CDH13: variants seen among roughly 807,000 people sequenced by gnomAD.
The protein encoded by CDH13 is cadherin 13.
CDH13 carries 24 observed loss-of-function variants against 63.8 expected under a neutral mutation model. The observed-to-expected ratio is 0.38, with a 90% CI of 0.27 to 0.53. The LOEUF (loss-of-function observed/expected upper bound fraction) is 0.53, where lower values mean the gene tolerates loss of function less well. CDH13 is among the 20% of genes least tolerant of loss of function. The pLI, the probability that CDH13 is intolerant of heterozygous loss-of-function variation, is 0.85. For synonymous variants in CDH13, 503 were observed against 355.3 expected (o/e 1.42, Z -4.67); for missense variants, 1,049 against 903.1 (o/e 1.16, Z -2.07).
chr16:83,333,434 A>T (rs529157425), intron 5 of CDH13, among the ~76,000 whole-genome samples: 25 of 152,210 alleles, frequency 1.6e-4, no homozygotes, highest in Middle Eastern at 6.8e-3. Context: ...CACCTCTCTC[A>T]GATTGCCCAG....
intron 3 of CDH13, among the ~76,000 whole-genome samples, chr16:83,121,310 A>G (rs1051747705): frequency 1.3e-5 from 2 of 152,190 alleles, no homozygotes; most frequent in Admixed American, 6.5e-5. Flanking sequence ...GATATTCTAT[A>G]TTTTCCTACA....
chr16:83,690,243 GAATT>G (rs773569632), intron 10 of CDH13, among the ~76,000 whole-genome samples: 2 of 152,136 alleles, frequency 1.3e-5, no homozygotes, highest in Non-Finnish European at 2.9e-5. Context: ...ATGAATGAGA[GAATT>G]AATAAATACA....
At chr16:82,764,822 T>C (rs956350519) in intron 1 of CDH13, among the ~76,000 whole-genome samples, 1 of 151,762 alleles carries the variant, frequency 6.6e-6, no homozygotes, top group African/African-American at 2.4e-5. Context: ...ATTCTTTTTT[T>C]TTTTTTTTTG....
chr16:83,624,028 T>G (rs780506531), intron 8 of CDH13, among the ~76,000 whole-genome samples: 18 of 152,100 alleles, frequency 1.2e-4, no homozygotes, highest in Non-Finnish European at 2.5e-4. Flanking sequence ...TGGGGGAGGT[T>G]CCGGGGCTTT....
intron 4 of CDH13, among the ~76,000 whole-genome samples, chr16:83,162,527 C>G (rs1292565892): frequency 6.6e-6 from 1 of 152,066 alleles, no homozygotes; most frequent in Admixed American, 6.6e-5. Flanking sequence ...AGTTTCCCTA[C>G]CAAGTTTTAA....
chr16:82,886,904 A>G (rs1351229873), intron 2 of CDH13, among the ~76,000 whole-genome samples: 1 of 152,188 alleles, frequency 6.6e-6, no homozygotes, highest in African/African-American at 2.4e-5. Context: ...TGCTCATTGA[A>G]GAAAAATGGT....
At chr16:83,471,712 C>A (rs529064837) in intron 6 of CDH13, among the ~76,000 whole-genome samples, 23 of 152,294 alleles carry the variant, frequency 1.5e-4, no homozygotes, top group African/African-American at 5.1e-4. Flanking sequence ...GATCTTGGAA[C>A]CTGGGCTCTA....
intron 1 of CDH13, among the ~76,000 whole-genome samples, chr16:82,754,864 T>C (rs1264669256): frequency 6.6e-6 from 1 of 152,214 alleles, no homozygotes; most frequent in African/African-American, 2.4e-5. Context: ...GGGTACTTCA[T>C]GAGCCAAGAG....
At chr16:82,836,746 C>T (rs1331112735) in intron 1 of CDH13, among the ~76,000 whole-genome samples, 1 of 152,180 alleles carries the variant, frequency 6.6e-6, no homozygotes, top group African/African-American at 2.4e-5. Context: ...CTTAGAAAGG[C>T]TCTACCCCAA....
intron 10 of CDH13, among the ~76,000 whole-genome samples, chr16:83,736,930 G>A (rs1911592149): frequency 6.6e-6 from 1 of 152,222 alleles, no homozygotes; most frequent in African/African-American, 2.4e-5. Context: ...TTTCAGAGAA[G>A]ATGTGTGCAG....
intron 6 of CDH13, among the ~76,000 whole-genome samples, chr16:83,468,659 C>A (rs556787768): frequency 5.3e-5 from 8 of 152,184 alleles, no homozygotes; most frequent in Non-Finnish European, 1.0e-4. Flanking sequence ...CAGACTGCTG[C>A]CTCTCTGCCT....
At chr16:83,183,804 CAA>C (rs1235075470) in intron 4 of CDH13, among the ~76,000 whole-genome samples, 1 of 152,090 alleles carries the variant, frequency 6.6e-6, no homozygotes, top group African/African-American at 2.4e-5. Context: ...CAGTGTTTGG[CAA>C]AAGTTTTTTG....
intron 6 of CDH13, among the ~76,000 whole-genome samples, chr16:83,409,123 A>C (rs1179918964): frequency 1.3e-5 from 2 of 152,178 alleles, no homozygotes; most frequent in Non-Finnish European, 2.9e-5. Flanking sequence ...AGGAAATAAG[A>C]CAGGGGAGGG....
chr16:82,817,251 A>T (rs1199821960), intron 1 of CDH13, among the ~76,000 whole-genome samples: 4 of 152,032 alleles, frequency 2.6e-5, no homozygotes, highest in Non-Finnish European at 5.9e-5. Flanking sequence ...GCTTCTATCC[A>T]GCCCTACACC....
Position 83,511,094 on chromosome 16 carries a change from A to AATGCACGCG in CDH13, c.960+24439_960+24440insATGCACGCG, listed in dbSNP as rs147339336. 8.2e-3 allele frequency among the ~76,000 whole-genome samples: 1,238 copies of AATGCACGCG among 151,338 alleles called. 23 individuals are homozygous for AATGCACGCG. The highest frequency in any genetic ancestry group is 0.029 in the African/African-American group (1,196 of 41,266). On this transcript the variant is annotated intron_variant, in intron 7 of 13. Transcript: ENST00000567109. ...CACACATGCACGCATGCACACACAC[A>AATGCACGCG]TGCACACATGCACGCATGCACACAC...
At chr16:83,032,720 G>C (rs954691538) in intron 3 of CDH13, among the ~76,000 whole-genome samples, 1 of 152,114 alleles carries the variant, frequency 6.6e-6, no homozygotes, top group Non-Finnish European at 1.5e-5. Context: ...GGTGTCCATT[G>C]GGTTGTGATG....
At chr16:83,238,144 G>A (rs1246155830) in intron 5 of CDH13, among the ~76,000 whole-genome samples, 1 of 151,860 alleles carries the variant, frequency 6.6e-6, no homozygotes, top group Non-Finnish European at 1.5e-5. Flanking sequence ...GGTATGAACT[G>A]TTCTGGTCTT....
At chr16:82,988,692 G>C (rs772117180) in intron 2 of CDH13, among the ~76,000 whole-genome samples, 13 of 151,614 alleles carry the variant, frequency 8.6e-5, no homozygotes, top group Non-Finnish European at 1.8e-4. Flanking sequence ...AACCCGGCTG[G>C]CGGAGGTTGC....
chr16:83,191,458 A>AATATAGATATAGAT (rs1466966273), intron 4 of CDH13, among the ~76,000 whole-genome samples: 38 of 80,578 alleles, frequency 4.7e-4, no homozygotes, highest in Non-Finnish European at 6.6e-4. Context: ...ACTAATAGGA[A>AATATAGATATAGAT]ATATATATAT....
Sources: gnomAD v4.1 joint callset for allele counts (sites outside exome capture counted in the v4.1 genomes callset) on GRCh38, gnomAD v4.1.1 for gene constraint, MANE v1.5 for transcripts, NCBI Gene and HGNC (gene_info 2026-07-23, HGNC 2026-07-21) for gene names.